PPM1B: variants seen among roughly 807,000 people sequenced by gnomAD.
The protein encoded by PPM1B is protein phosphatase 1B.
A neutral mutation model predicts 43.0 loss-of-function variants in PPM1B; 22 were observed. That is an observed-to-expected ratio of 0.51 (90% CI 0.37 to 0.73). The LOEUF is 0.73. PPM1B is among the 30% of genes least tolerant of loss of function. The probability of loss-of-function intolerance (pLI) is 0.00; values close to 1 mark genes in which losing one functional copy is unlikely to be tolerated. For missense variants in PPM1B, 632 were observed against 584.2 expected (o/e 1.08, Z -0.84); for synonymous variants, 217 against 197.9 (o/e 1.10, Z -0.81).
At chr2:44,192,192 TATTG>T (rs1426790918) in intron 1 of PPM1B, among the ~76,000 whole-genome samples, 6 of 104,878 alleles carry the variant, frequency 5.7e-5, no homozygotes, top group East Asian at 5.4e-4. Context: ...TATGTTATGG[TATTG>T]TATTGTATTG....
At chr2:44,223,814 T>TAAAA (rs58530902) in intron 5 of PPM1B, among the ~76,000 whole-genome samples, 8 of 36,058 alleles carry the variant, frequency 2.2e-4, no homozygotes, top group East Asian at 9.6e-4. Context: ...GGACTCTGTC[T>TAAAA]AAAAAAAAAA....
chr2:44,198,309 C>T (rs1252485662), intron 1 of PPM1B, among the ~76,000 whole-genome samples: 2 of 152,054 alleles, frequency 1.3e-5, no homozygotes, highest in Non-Finnish European at 2.9e-5. Context: ...CACAGGCACC[C>T]ACCACCATGC....
intron 2 of PPM1B, among the ~76,000 whole-genome samples, chr2:44,204,087 C>T (rs905148499): frequency 6.6e-6 from 1 of 152,158 alleles, no homozygotes; most frequent in Non-Finnish European, 1.5e-5. Flanking sequence ...TTAATGGAAG[C>T]TGACCATCAT....
intron 1 of PPM1B, among the ~76,000 whole-genome samples, chr2:44,184,434 T>G (rs567668452): frequency 1.3e-5 from 2 of 152,184 alleles, no homozygotes; most frequent in Non-Finnish European, 2.9e-5. Context: ...AATGTTGGAG[T>G]GCTCAAGAAC....
At chr2:44,202,528 T>C (rs904598661) in intron 2 of PPM1B, among the ~76,000 whole-genome samples, 1 of 152,268 alleles carries the variant, frequency 6.6e-6, no homozygotes, top group Non-Finnish European at 1.5e-5. Context: ...AAAATATGGG[T>C]TGTATATTTC....
At chr2:44,189,489 T>G (rs1668300751) in intron 1 of PPM1B, among the ~76,000 whole-genome samples, 1 of 152,080 alleles carries the variant, frequency 6.6e-6, no homozygotes, top group Non-Finnish European at 1.5e-5. Context: ...TTATTGATTT[T>G]CGAGAGCCTC....
chr2:44,226,014 C>T (rs1195772112), intron 5 of PPM1B, among the ~76,000 whole-genome samples: 2 of 146,554 alleles, frequency 1.4e-5, no homozygotes, highest in African/African-American at 2.5e-5. Context: ...CTTGCTCTGT[C>T]GCCCAGGCTG....
At chr2:44,225,992 T>C (rs1163253645) in intron 5 of PPM1B, among the ~76,000 whole-genome samples, 1 of 151,094 alleles carries the variant, frequency 6.6e-6, no homozygotes, top group African/African-American at 2.4e-5. Flanking sequence ...TTTTTTTTTT[T>C]TGAGAGAGAG....
intron 2 of PPM1B, among the ~76,000 whole-genome samples, chr2:44,204,715 C>T (rs187112536): frequency 7.6e-4 from 115 of 151,650 alleles, no homozygotes; most frequent in Non-Finnish European, 1.3e-3. Context: ...AAAAATCGGC[C>T]GGGCGTTGTG....
downstream of PPM1B, chr2:44,232,442 G>T: frequency 6.4e-7 from 1 of 1,570,562 alleles, no homozygotes; most frequent in Non-Finnish European, 8.6e-7. Context: ...TATTCTTGCG[G>T]ATTCCCAACG....
chr2:44,195,561 G>C (rs1304240464), intron 1 of PPM1B, among the ~76,000 whole-genome samples: 2 of 152,040 alleles, frequency 1.3e-5, no homozygotes, highest in Admixed American at 6.6e-5. Flanking sequence ...GCTCACACCT[G>C]TAATTCCAGC....
chr2:44,216,937 G>A (rs1466809995), intron 3 of PPM1B, among the ~76,000 whole-genome samples: 4 of 151,930 alleles, frequency 2.6e-5, no homozygotes, highest in African/African-American at 9.7e-5. Context: ...CATACAGAGG[G>A]GTTGGATTAG....
intron 3 of PPM1B, among the ~76,000 whole-genome samples, chr2:44,213,013 CAAAA>C (rs57091283): frequency 1.5e-5 from 1 of 65,328 alleles, no homozygotes; most frequent in Non-Finnish European, 3.4e-5. Context: ...ACTCCGTTTC[CAAAA>C]AAAAAAAAAA....
chr2:44,246,752 C>A (rs1459015421), downstream of PPM1B, among the ~76,000 whole-genome samples: 1 of 152,146 alleles, frequency 6.6e-6, no homozygotes, highest in East Asian at 1.9e-4. Context: ...TTGGTTTTTG[C>A]TTGTGGTATT....
intron 3 of PPM1B, among the ~76,000 whole-genome samples, chr2:44,212,248 A>AGGCCCACGCGGC (rs1669506487): frequency 6.6e-6 from 1 of 152,172 alleles, no homozygotes; most frequent in African/African-American, 2.4e-5. Context: ...TACAGGATTT[A>AGGCCCACGCGGC]TTATAGTTTT....
At chr2:44,199,147 A>G (rs1156847011) in intron 1 of PPM1B, among the ~76,000 whole-genome samples, 1 of 151,796 alleles carries the variant, frequency 6.6e-6, no homozygotes, top group Admixed American at 6.6e-5. Flanking sequence ...AACCCCAGCT[A>G]CCCGGGAGGC....
intron 1 of PPM1B, among the ~76,000 whole-genome samples, chr2:44,170,850 G>A (rs1667303394): frequency 6.6e-6 from 1 of 152,138 alleles, no homozygotes; most frequent in South Asian, 2.1e-4. Flanking sequence ...TGTTCTAATC[G>A]AAATTTTAAA....
chr2:44,232,194 T>C, downstream of PPM1B: 1 of 1,391,032 alleles, frequency 7.2e-7, no homozygotes, highest in Non-Finnish European at 9.8e-7. Context: ...TCTGTAAAAG[T>C]ACCCTTTTCA....
chr2:44,239,310 T>C (rs1670696676), downstream of PPM1B, among the ~76,000 whole-genome samples: 1 of 152,118 alleles, frequency 6.6e-6, no homozygotes, highest in South Asian at 2.1e-4. Flanking sequence ...TTTTCTGAAT[T>C]GAATGCTCAC....
Sources: allele counts gnomAD v4.1 joint callset (sites outside exome capture counted in the v4.1 genomes callset), GRCh38; gene constraint gnomAD v4.1.1; transcripts MANE v1.5; gene names NCBI Gene and HGNC (gene_info 2026-07-23, HGNC 2026-07-21).